The following GGH variants were observed in gnomAD, a reference collection of about 807,000 sequenced individuals.
GGH encodes the protein gamma-Glu-X carboxypeptidase.
A neutral mutation model predicts 39.2 loss-of-function variants in GGH; 18 were observed. The ratio of observed to expected loss-of-function variants is 0.46; its 90% CI spans 0.32 to 0.68. GGH has a LOEUF of 0.68. Among genes scored for constraint, GGH ranks in the 30% least tolerant of loss-of-function variants. GGH has a pLI of 0.04. For missense variants in GGH, 367 were observed against 384.1 expected (o/e 0.96, Z 0.37); for synonymous variants, 147 against 138.8 (o/e 1.06, Z -0.42).
At chr8:63,038,627 C>T in intron 1 of GGH, 33 bp downstream of exon 1, 1 of 1,230,328 alleles carries the variant, frequency 8.1e-7, no homozygotes, top group Non-Finnish European at 1.1e-6. Flanking sequence ...CCAGCTCCTC[C>T]CCGTCTGCTG....
At chr8:63,015,956 T>C (rs374685984) in intron 8 of GGH, among the ~76,000 whole-genome samples, 1 of 152,184 alleles carries the variant, frequency 6.6e-6, no homozygotes, top group South Asian at 2.1e-4. Flanking sequence ...TTATGGTATA[T>C]GGTGTATCAT....
intron 8 of GGH, among the ~76,000 whole-genome samples, chr8:63,016,322 T>C (rs1038210265): frequency 6.6e-6 from 1 of 152,148 alleles, no homozygotes; most frequent in Non-Finnish European, 1.5e-5. Flanking sequence ...TGGGATACTT[T>C]TTTTTTTTAA....
intron 7 of GGH, among the ~76,000 whole-genome samples, chr8:63,020,756 G>A (rs1192740387): frequency 1.3e-5 from 2 of 152,176 alleles, no homozygotes; most frequent in Admixed American, 6.5e-5. Context: ...TAGAGGTGAA[G>A]GCAGGGAGAG....
chr8:63,029,368 G>A (rs1051084719), intron 3 of GGH, among the ~76,000 whole-genome samples: 16 of 152,030 alleles, frequency 1.1e-4, no homozygotes, highest in African/African-American at 3.1e-4. Context: ...ACAGATAGCC[G>A]CATTTTTTAA....
intron 3 of GGH, among the ~76,000 whole-genome samples, chr8:63,027,549 G>A (rs572895878): frequency 1.4e-4 from 21 of 152,116 alleles, no homozygotes; most frequent in Non-Finnish European, 3.1e-4. Context: ...TAAATAAGTA[G>A]GGGAGGGGCA....
chr8:63,019,734 C>T (rs139080559), intron 7 of GGH, among the ~76,000 whole-genome samples: 1 of 152,348 alleles, frequency 6.6e-6, no homozygotes, highest in African/African-American at 2.4e-5. Flanking sequence ...GAAAGCTTCA[C>T]CAGAGTCCTT....
intron 7 of GGH, among the ~76,000 whole-genome samples, chr8:63,020,577 C>T (rs1275908365): frequency 6.6e-6 from 1 of 152,066 alleles, no homozygotes; most frequent in Non-Finnish European, 1.5e-5. Flanking sequence ...CTAGGGATGA[C>T]AAGTGGCCTG....
At position 63,015,317 on chromosome 8, in the gene GGH, A is replaced by G; in HGVS notation, c.*15T>C. ...GGAATTATTCAAATTTGCTCTGTTAACAAATTGAAGACTTTCAATCAAATA... is the reference window on the plus strand; with the variant it reads ...GGAATTATTCAAATTTGCTCTGTTAGCAAATTGAAGACTTTCAATCAAATA... On this transcript the variant is annotated 3_prime_UTR_variant, in exon 9 of 9. Coordinates refer to ENST00000260118, the MANE Select transcript of GGH (RefSeq NM_003878.3). 7.6e-7 allele frequency: 1 copy of G among 1,323,880 alleles called. No homozygotes were observed. The highest frequency in any genetic ancestry group is 1.1e-6 in the Non-Finnish European group (1 of 945,270). 82.0% of individuals were successfully genotyped at this position (1,323,880 alleles called of 1,614,324 possible). A position where few individuals can be genotyped will look rare whatever the true frequency, so the allele number is the denominator to read the frequency against.
Position 63,017,645 on chromosome 8 carries a change from C to T in GGH, c.698-15G>A, listed in dbSNP as rs376246431. 6.6e-6 allele frequency: 10 copies of T among 1,517,646 alleles called. No individual in the cohort carries two copies. The highest frequency in any genetic ancestry group is 3.9e-5 in the Admixed American group (2 of 51,414). The allele number at this position is 1,517,646 out of a possible 1,614,324, so 94.0% of individuals were successfully genotyped here. A position where few individuals can be genotyped will look rare whatever the true frequency, so the allele number is the denominator to read the frequency against. ...ATACTTATATCCTGTAAGAAGAACA[C>T]AAATTAGTAAGTACTAAGAATGGTT... is the stretch of plus-strand genomic sequence containing the variant. On this transcript the variant is annotated splice_polypyrimidine_tract_variant and intron_variant, in intron 7 of 8. Transcript: ENST00000260118.
At chr8:63,021,768 G>A (rs918967290) in intron 7 of GGH, among the ~76,000 whole-genome samples, 3 of 145,134 alleles carry the variant, frequency 2.1e-5, no homozygotes, top group Non-Finnish European at 4.5e-5. Context: ...CCGCCCACTA[G>A]GTTCAAGCAA....
chr8:63,021,100 G>A (rs1005400311), intron 7 of GGH, among the ~76,000 whole-genome samples: 4 of 152,216 alleles, frequency 2.6e-5, no homozygotes, highest in East Asian at 1.9e-4. Context: ...ATTTACCACC[G>A]AACATTGTTT....
At chr8:63,024,042 CTAAACATAT>C in intron 6 of GGH, 29 bp downstream of exon 6, 1 of 1,542,836 alleles carries the variant, frequency 6.5e-7, no homozygotes, top group Non-Finnish European at 8.9e-7. Flanking sequence ...TGCAGTTATT[CTAAACATAT>C]TAATTTCATT....
At chr8:63,032,300 T>C (rs1430134222) in intron 2 of GGH, among the ~76,000 whole-genome samples, 1 of 152,118 alleles carries the variant, frequency 6.6e-6, no homozygotes, top group East Asian at 1.9e-4. Flanking sequence ...CCTCCCAAAG[T>C]GCTGGGATAA....
At chr8:63,021,578 C>G (rs181332071) in intron 7 of GGH, among the ~76,000 whole-genome samples, 47 of 150,648 alleles carry the variant, frequency 3.1e-4, no homozygotes, top group African/African-American at 1.1e-3. Flanking sequence ...ATTCCCTGAT[C>G]AGAAATTACA....
chr8:63,021,562 A>G (rs1437982951), intron 7 of GGH, among the ~76,000 whole-genome samples: 1 of 150,996 alleles, frequency 6.6e-6, no homozygotes, highest in African/African-American at 2.4e-5. Context: ...TTTGGTTTCC[A>G]TTTGCATTCC....
chr8:63,026,407 G>T, intron 4 of GGH, 111 bp from the exon 5 acceptor site: 1 of 773,632 alleles, frequency 1.3e-6, no homozygotes, highest in Non-Finnish European at 2.1e-6. Flanking sequence ...ATGGATTTCT[G>T]AAGAATTCTC....
chr8:63,017,976 C>CCT (rs34565343), intron 7 of GGH: 39,148 of 187,822 alleles, frequency 0.21, 4,283 homozygotes, highest in East Asian at 0.42. Context: ...CTCTTTCTCC[C>CCT]GTCTTGTAGC....
At chr8:63,032,149 T>C (rs1432264008) in intron 2 of GGH, among the ~76,000 whole-genome samples, 1 of 152,096 alleles carries the variant, frequency 6.6e-6, no homozygotes, top group African/African-American at 2.4e-5. Flanking sequence ...TCCTCCCACC[T>C]CAGCCTCCTG....
At chr8:63,027,486 A>G (rs1198962322) in intron 3 of GGH, among the ~76,000 whole-genome samples, 2 of 152,364 alleles carry the variant, frequency 1.3e-5, no homozygotes, top group East Asian at 1.9e-4. Context: ...ATATTTTCCA[A>G]AAACTTCTTC....
Sources: allele counts gnomAD v4.1 joint callset (sites outside exome capture counted in the v4.1 genomes callset), GRCh38; gene constraint gnomAD v4.1.1; transcripts MANE v1.5; gene names NCBI Gene and HGNC (gene_info 2026-07-23, HGNC 2026-07-21).